Variants in CDH13 observed in about 807,000 individuals in gnomAD.
CDH13 encodes cadherin 13, also known as cadherin-13.
A neutral mutation model predicts 63.8 loss-of-function variants in CDH13; 24 were observed. That is an observed-to-expected ratio of 0.38 (90% confidence interval 0.27 to 0.53). The LOEUF (loss-of-function observed/expected upper bound fraction) is 0.53. Ranked by LOEUF, CDH13 falls within the 20% of genes least tolerant of loss-of-function variation. The pLI, the probability that CDH13 is intolerant of heterozygous loss-of-function variation, is 0.85. For missense variants in CDH13, 1,049 were observed against 903.1 expected (o/e 1.16, Z -2.07); for synonymous variants, 503 against 355.3 (o/e 1.42, Z -4.67).
rs1904310124 is a variant in CDH13, at chr16:83,800,133, G to C, written c.*5103G>C. ...TTTCCACGTGCCGTCTCATTGGTAG[G>C]GAGATGGTGAAAAGCGTTGGGTGGT... On this transcript the variant is annotated 3_prime_UTR_variant, in exon 14 of 14. Coordinates refer to ENST00000567109, the MANE Select transcript of CDH13 (RefSeq NM_001257.5). 6.6e-6 allele frequency: 1 copy of C among 152,146 alleles called. No individual in the cohort carries two copies. Among genetic ancestry groups the C allele is most frequent in the Non-Finnish European group, 1.5e-5 (1 of 68,016 alleles). 9.4% of individuals were successfully genotyped at this position (152,146 alleles called of 1,614,324 possible). A position where few individuals can be genotyped will look rare whatever the true frequency, so the allele number is the denominator to read the frequency against.
chr16:83,009,465 T>A (rs1246782585), intron 2 of CDH13, among the ~76,000 whole-genome samples: 2 of 152,148 alleles, frequency 1.3e-5, no homozygotes, highest in Non-Finnish European at 2.9e-5. Context: ...ATTCTCTCAC[T>A]TTTTTTCCTC....
chr16:82,955,313 G>A (rs1905909121), intron 2 of CDH13, among the ~76,000 whole-genome samples: 1 of 152,214 alleles, frequency 6.6e-6, no homozygotes, highest in Non-Finnish European at 1.5e-5. Flanking sequence ...TGCAGACATA[G>A]ATTTCCAGAA....
At chr16:83,034,345 C>G (rs912957373) in intron 3 of CDH13, among the ~76,000 whole-genome samples, 15 of 152,108 alleles carry the variant, frequency 9.9e-5, no homozygotes, top group African/African-American at 3.1e-4. Flanking sequence ...ATCTGTGAAG[C>G]TGTGAGTTAA....
intron 10 of CDH13, among the ~76,000 whole-genome samples, chr16:83,742,106 C>T (rs548920041): frequency 1.3e-5 from 2 of 152,242 alleles, no homozygotes; most frequent in Non-Finnish European, 2.9e-5. Context: ...CTTTCACCTT[C>T]CCACCAATAC....
At chr16:83,462,027 C>T (rs976710807) in intron 6 of CDH13, among the ~76,000 whole-genome samples, 1 of 152,240 alleles carries the variant, frequency 6.6e-6, no homozygotes, top group African/African-American at 2.4e-5. Context: ...CACTTCGTGG[C>T]TCTCATGAGT....
At position 82,777,902 on chromosome 16, in the gene CDH13, G is replaced by A. The variant is rs574302570; in HGVS notation, c.46-80460G>A. Among the ~76,000 whole-genome samples, 7 of 152,246 alleles carry A rather than the reference G, an allele frequency of 4.6e-5. No homozygotes were observed. The East Asian group carries it at 1.4e-3, about 29-fold the overall frequency. On this transcript the variant is annotated intron_variant, in intron 1 of 13. Coordinates refer to ENST00000567109, the MANE Select transcript of CDH13 (RefSeq NM_001257.5). ...CAGCTCCAGAGGGAAGCTCACAACA[G>A]GACAACTTGATTCGTCAGAGAAAAT...
At chr16:83,263,114 A>T (rs1409607421) in intron 5 of CDH13, among the ~76,000 whole-genome samples, 1 of 152,212 alleles carries the variant, frequency 6.6e-6, no homozygotes, top group Non-Finnish European at 1.5e-5. Flanking sequence ...GGAGAGATGG[A>T]TGGGCTGAGT....
intron 6 of CDH13, among the ~76,000 whole-genome samples, chr16:83,437,760 T>C (rs2072353355): frequency 6.6e-6 from 1 of 152,140 alleles, no homozygotes; most frequent in Admixed American, 6.6e-5. Flanking sequence ...GACTGCCCTT[T>C]TCCCATGAAC....
At chr16:82,865,878 A>C (rs2040118416) in intron 2 of CDH13, among the ~76,000 whole-genome samples, 1 of 152,192 alleles carries the variant, frequency 6.6e-6, no homozygotes, top group Non-Finnish European at 1.5e-5. Flanking sequence ...CCTTTTAAAT[A>C]AAAATTCCAG....
At chr16:83,161,111 G>T (rs1173135128) in intron 4 of CDH13, among the ~76,000 whole-genome samples, 1 of 152,158 alleles carries the variant, frequency 6.6e-6, no homozygotes, top group African/African-American at 2.4e-5. Flanking sequence ...CTTCCTGAAA[G>T]CTTTGAATTT....
rs1457930227 is a variant in CDH13 at position 82,773,260 on chromosome 16, G to C, written c.46-85102G>C. 3 of 152,348 alleles carry C rather than the reference G, an allele frequency of 2.0e-5. No homozygotes were observed. In the South Asian group the frequency reaches 6.2e-4, roughly 32 times the overall value. 9.4% of individuals were successfully genotyped at this position (152,348 alleles called of 1,614,324 possible). Reference sequence around the variant, plus strand: ...ATAAATGTCCCTCTTGTTCTTTGTGGTTTCCTTTGCCATAAGAGCCACTGC... The same window carrying C: ...ATAAATGTCCCTCTTGTTCTTTGTGCTTTCCTTTGCCATAAGAGCCACTGC... On this transcript the variant is annotated intron_variant, in intron 1 of 13. Coordinates refer to ENST00000567109, the MANE Select transcript of CDH13 (RefSeq NM_001257.5).
At chr16:82,714,399 A>G (rs1422223553) in intron 1 of CDH13, among the ~76,000 whole-genome samples, 1 of 152,062 alleles carries the variant, frequency 6.6e-6, no homozygotes, top group African/African-American at 2.4e-5. Context: ...AAGCTAATCT[A>G]CTGTTACTGA....
chr16:83,677,084 G>A (rs1915015260), intron 9 of CDH13, among the ~76,000 whole-genome samples: 1 of 152,194 alleles, frequency 6.6e-6, no homozygotes, highest in African/African-American at 2.4e-5. Flanking sequence ...GTAAGCATTA[G>A]GAACTTGATA....
intron 3 of CDH13, among the ~76,000 whole-genome samples, chr16:83,077,742 A>G (rs1306649046): frequency 6.6e-6 from 1 of 152,172 alleles, no homozygotes; most frequent in Non-Finnish European, 1.5e-5. Flanking sequence ...GTAAAAGGGT[A>G]TGTCATGGGG....
intron 4 of CDH13, among the ~76,000 whole-genome samples, chr16:83,151,391 A>G (rs894465684): frequency 2.0e-4 from 30 of 152,120 alleles, no homozygotes; most frequent in African/African-American, 7.2e-4. Flanking sequence ...ATCGTTTCCA[A>G]CCAACTCAGC....
chr16:83,777,345 G>T (rs13338541), intron 11 of CDH13, among the ~76,000 whole-genome samples: 4 of 152,144 alleles, frequency 2.6e-5, no homozygotes, highest in Non-Finnish European at 1.5e-5. Flanking sequence ...AGCTCTGGAG[G>T]AGCAGCTCCA....
At chr16:83,393,835 A>G (rs2151433032) in intron 6 of CDH13, among the ~76,000 whole-genome samples, 1 of 152,326 alleles carries the variant, frequency 6.6e-6, no homozygotes, top group Non-Finnish European at 1.5e-5. Flanking sequence ...AGGGAGACAC[A>G]CAGTAAACAT....
At chr16:82,972,943 T>A (rs561799229) in intron 2 of CDH13, among the ~76,000 whole-genome samples, 1 of 152,292 alleles carries the variant, frequency 6.6e-6, no homozygotes, top group South Asian at 2.1e-4. Context: ...ATCACCACTT[T>A]ATTTTTTTAA....
intron 5 of CDH13, among the ~76,000 whole-genome samples, chr16:83,323,165 CTCTTTCTTTTTTCTTTCTT>C (rs2090270232): frequency 3.3e-4 from 1 of 3,070 alleles, no homozygotes; most frequent in African/African-American, 3.7e-4. Context: ...TTCTTTCTTT[CTCTTTCTTTTTTCTTTCTT>C]TCTTTCTTTC....
Sources: gnomAD v4.1 joint callset for allele counts (sites outside exome capture counted in the v4.1 genomes callset) on GRCh38, gnomAD v4.1.1 for gene constraint, MANE v1.5 for transcripts, NCBI Gene and HGNC (gene_info 2026-07-23, HGNC 2026-07-21) for gene names.